The following SPAG6 variants were observed in gnomAD, a reference collection of about 807,000 sequenced individuals.
SPAG6 encodes sperm-associated antigen 6.
In SPAG6, 49 loss-of-function variants were observed where a neutral mutation model predicts 58.5. The observed-to-expected ratio is 0.84, with a 90% CI of 0.67 to 1.06. The LOEUF (loss-of-function observed/expected upper bound fraction) is 1.06, where lower values mean the gene tolerates loss of function less well. Ranked by LOEUF, SPAG6 falls within the 50% of genes least tolerant of loss-of-function variation. The pLI is 0.00. For synonymous variants in SPAG6, 233 were observed against 225.6 expected (o/e 1.03, Z -0.29); for missense variants, 560 against 611.3 (o/e 0.92, Z 0.89).
intron 8 of SPAG6, among the ~76,000 whole-genome samples, chr10:22,399,115 G>C (rs1588554931): frequency 6.6e-6 from 1 of 152,132 alleles, no homozygotes; most frequent in African/African-American, 2.4e-5. Context: ...CACCGCGCCT[G>C]GCTGAGTTTA....
chr10:22,375,705 A>G (rs1385149337), intron 4 of SPAG6, among the ~76,000 whole-genome samples: 3 of 151,136 alleles, frequency 2.0e-5, no homozygotes, highest in African/African-American at 7.3e-5. Context: ...CAGACTCCCA[A>G]GTAGCTGCGA....
chr10:22,347,194 C>T (rs1391969368), intron 2 of SPAG6, among the ~76,000 whole-genome samples: 3 of 152,130 alleles, frequency 2.0e-5, no homozygotes, highest in Non-Finnish European at 4.4e-5. Flanking sequence ...CCTGGACAAC[C>T]ACTAATCTCT....
chr10:22,369,239 C>T (rs767786032), intron 4 of SPAG6, among the ~76,000 whole-genome samples: 10 of 152,032 alleles, frequency 6.6e-5, no homozygotes, highest in Non-Finnish European at 1.5e-4. Flanking sequence ...AGCATGTTCT[C>T]CTATAAACTG....
intron 2 of SPAG6, among the ~76,000 whole-genome samples, chr10:22,355,519 A>G (rs1163587576): frequency 6.6e-6 from 1 of 152,222 alleles, no homozygotes; most frequent in Non-Finnish European, 1.5e-5. Context: ...AAAGGAGAAA[A>G]CAGATTATTC....
intron 4 of SPAG6, among the ~76,000 whole-genome samples, chr10:22,380,008 G>C (rs1294157532): frequency 3.9e-5 from 6 of 151,998 alleles, no homozygotes; most frequent in African/African-American, 1.2e-4. Context: ...TTCCCATGCT[G>C]GTCTTGAACC....
intron 2 of SPAG6, among the ~76,000 whole-genome samples, chr10:22,363,110 G>T (rs552081572): frequency 6.6e-6 from 1 of 152,204 alleles, no homozygotes; most frequent in East Asian, 1.9e-4. Flanking sequence ...CAACATTTTG[G>T]ATGTACTTAA....
Position 22,388,018 on chromosome 10 carries a change from C to T in SPAG6, c.852+22C>T, listed in dbSNP as rs762046374. ...CGAGGTGAAAAGAAACTTCAAGGCA[C>T]AATAATATGTAGTAGTTAGTTTTAG... On this transcript the variant is annotated intron_variant, in intron 6 of 10. Coordinates refer to ENST00000376624, the MANE Select transcript of SPAG6 (RefSeq NM_012443.4). 4.4e-6 allele frequency: 7 copies of T among 1,581,496 alleles called. No homozygotes were observed. In the East Asian group the frequency reaches 1.3e-4, roughly 30 times the overall value.
intron 4 of SPAG6, among the ~76,000 whole-genome samples, chr10:22,372,099 T>A (rs1833712266): frequency 6.6e-6 from 1 of 152,320 alleles, no homozygotes; most frequent in South Asian, 2.1e-4. Flanking sequence ...TTTTTCTTAC[T>A]TTTTGTAACC....
intron 10 of SPAG6, among the ~76,000 whole-genome samples, chr10:22,415,695 C>T (rs977700809): frequency 6.6e-6 from 1 of 152,114 alleles, no homozygotes; most frequent in Non-Finnish European, 1.5e-5. Flanking sequence ...TTAGGTCAAG[C>T]ATCTGGGCAT....
At chr10:22,363,550 A>T (rs558669300) in intron 2 of SPAG6, among the ~76,000 whole-genome samples, 212 of 152,332 alleles carry the variant, frequency 1.4e-3, no homozygotes, top group Non-Finnish European at 2.0e-3. Context: ...TGACTAAGTA[A>T]AACCAGAAAC....
At chr10:22,348,567 A>G (rs1836630731) in intron 2 of SPAG6, among the ~76,000 whole-genome samples, 1 of 152,206 alleles carries the variant, frequency 6.6e-6, no homozygotes, top group South Asian at 2.1e-4. Context: ...AATGTAAAAA[A>G]TATTTTCCAT....
At chr10:22,377,149 C>T (rs560853638) in intron 4 of SPAG6, among the ~76,000 whole-genome samples, 2 of 152,126 alleles carry the variant, frequency 1.3e-5, no homozygotes, top group South Asian at 2.1e-4. Context: ...GTTACGTGGA[C>T]ACTTAGGTGG....
At chr10:22,372,256 G>T (rs545748766) in intron 4 of SPAG6, among the ~76,000 whole-genome samples, 42 of 152,250 alleles carry the variant, frequency 2.8e-4, no homozygotes, top group African/African-American at 1.0e-3. Context: ...TAAAAAGTTT[G>T]TATAAATTTA....
intron 6 of SPAG6, 38 bp from the exon 7 acceptor site, chr10:22,389,122 A>T (rs766403377): frequency 1.3e-6 from 2 of 1,590,394 alleles, no homozygotes; most frequent in African/African-American, 2.7e-5. Context: ...AGACCATCAT[A>T]GGGTCCTGGT....
At position 22,368,691 on chromosome 10, in the gene SPAG6, A is replaced by G. The variant is rs768734335; in HGVS notation, c.472+13A>G. 2 of 1,582,206 alleles carry G rather than the reference A, an allele frequency of 1.3e-6. No individual in the cohort carries two copies. The highest frequency in any genetic ancestry group is 8.6e-7 in the Non-Finnish European group (1 of 1,157,110). ...AGACATAATGCAGGTAATTTAAAAT[A>G]TGCAGGAGCATATTTTAAAATAGGA... On this transcript the variant is annotated intron_variant, in intron 4 of 10. Transcript: ENST00000376624.
At chr10:22,397,343 T>C (rs1001093714) in intron 8 of SPAG6, among the ~76,000 whole-genome samples, 4 of 152,186 alleles carry the variant, frequency 2.6e-5, no homozygotes, top group Admixed American at 2.6e-4. Context: ...TTGCCCAGGC[T>C]GGGCTGCTGC....
At chr10:22,347,505 T>C (rs1346624683) in intron 2 of SPAG6, among the ~76,000 whole-genome samples, 1 of 152,240 alleles carries the variant, frequency 6.6e-6, no homozygotes, top group Middle Eastern at 3.2e-3. Context: ...AACAAAGATT[T>C]AGTTTCTGGA....
intron 8 of SPAG6, among the ~76,000 whole-genome samples, chr10:22,394,965 C>T (rs1834262447): frequency 6.6e-6 from 1 of 152,160 alleles, no homozygotes; most frequent in African/African-American, 2.4e-5. Flanking sequence ...CCACCTTGAC[C>T]TCCCAAAGCA....
intron 2 of SPAG6, among the ~76,000 whole-genome samples, chr10:22,351,173 CGTGGA>C (rs1836717852): frequency 2.0e-5 from 3 of 152,204 alleles, no homozygotes; most frequent in Non-Finnish European, 2.9e-5. Context: ...TGAGGACTAT[CGTGGA>C]GTTTGAGTGG....
Sources: allele counts gnomAD v4.1 joint callset (sites outside exome capture counted in the v4.1 genomes callset), GRCh38; gene constraint gnomAD v4.1.1; transcripts MANE v1.5; gene names NCBI Gene and HGNC (gene_info 2026-07-23, HGNC 2026-07-21).